The following DHRS12 variants were observed in gnomAD, a reference collection of about 807,000 sequenced individuals.
DHRS12 encodes the protein dehydrogenase/reductase 12, also known as dehydrogenase/reductase SDR family member 12.
DHRS12 carries 29 observed loss-of-function variants against 32.1 expected under a neutral mutation model. The observed-to-expected ratio is 0.90, with a 90% CI of 0.67 to 1.23. DHRS12 has a LOEUF of 1.23. DHRS12 is among the 50% of genes most tolerant of loss of function. The pLI is 0.00. For missense variants in DHRS12, 330 were observed against 337.2 expected (o/e 0.98, Z 0.17); for synonymous variants, 150 against 135.9 (o/e 1.10, Z -0.72).
At chr13:51,765,685 A>G (rs563644788), downstream of DHRS12, 1 of 152,316 alleles carries the variant, frequency 6.6e-6, no homozygotes, top group African/African-American at 2.4e-5. Flanking sequence ...GTCTTCCATC[A>G]TATCAAGTGA....
chr13:51,769,599 T>A (rs553922415), intron 7 of DHRS12, among the ~76,000 whole-genome samples: 1 of 152,068 alleles, frequency 6.6e-6, no homozygotes, highest in African/African-American at 2.4e-5. Flanking sequence ...TCCCTTTCCA[T>A]CCTAAGAGAG....
At chr13:51,758,137 T>C in the DHRS12 span, 27 of 1,412,624 alleles carry the variant, frequency 1.9e-5, no homozygotes, top group Non-Finnish European at 2.6e-5. Flanking sequence ...CCTAGATCTC[T>C]CTCATTCATA....
Position 51,768,071 on chromosome 13 carries a change from A to C in DHRS12, c.*116T>G. 6.8e-7 allele frequency: 1 copy of C among 1,476,278 alleles called. No homozygotes were observed. The highest frequency in any genetic ancestry group is 8.9e-7 in the Non-Finnish European group (1 of 1,117,750). 91.4% of individuals were successfully genotyped at this position (1,476,278 alleles called of 1,614,324 possible). On this transcript the variant is annotated 3_prime_UTR_variant, in exon 9 of 9. Coordinates refer to ENST00000444610, the MANE Select transcript of DHRS12 (RefSeq NM_001377533.1). The stretch of plus-strand genomic sequence containing the variant: ...CCCATCCCTTGTAGGCCTCGCTGTG[A>C]GGCACAACGTCTTCGAGGGGAAGTT...
At chr13:51,784,013 T>A (rs2139161061) in intron 4 of DHRS12, among the ~76,000 whole-genome samples, 1 of 152,354 alleles carries the variant, frequency 6.6e-6, no homozygotes, top group East Asian at 1.9e-4. Context: ...AAGTCTTTTT[T>A]AAATCTTCAC....
At chr13:51,795,761 C>T (rs1593562696) in intron 2 of DHRS12, among the ~76,000 whole-genome samples, 1 of 152,190 alleles carries the variant, frequency 6.6e-6, no homozygotes, top group African/African-American at 2.4e-5. Flanking sequence ...CAATTCCCCC[C>T]TTCCTTTCAC....
intron 8 of DHRS12, 31 bp from the exon 9 acceptor site, chr13:51,768,327 T>C: frequency 6.5e-7 from 1 of 1,535,010 alleles, no homozygotes; most frequent in Non-Finnish European, 8.7e-7. Context: ...CAGAGAGGTG[T>C]GAGCTGCTGC....
At chr13:51,780,862 A>G (rs1433130813) in intron 4 of DHRS12, among the ~76,000 whole-genome samples, 1 of 152,254 alleles carries the variant, frequency 6.6e-6, no homozygotes, top group Non-Finnish European at 1.5e-5. Flanking sequence ...ATTATTTTTA[A>G]TGAGAAAAAT....
At chr13:51,759,109 A>T in the DHRS12 span, among the ~76,000 whole-genome samples, 5 of 152,328 alleles carry the variant, frequency 3.3e-5, no homozygotes, top group South Asian at 4.1e-4. Context: ...TGAGCCCAGT[A>T]AGTCGAGGCT....
At position 51,782,625 on chromosome 13, in the gene DHRS12, T is replaced by C. The variant is rs149359484; in HGVS notation, c.302-5504A>G. On this transcript the variant is annotated intron_variant, in intron 4 of 8. Transcript: ENST00000444610. This position sits in a 1 kb window ranked among gnomAD's most constrained non-coding sequence, Gnocchi z 4.2. ...GACCATGAGAGGCTGGTGGAGGAAG[T>C]GCTGTGCAGGCTTTTCTCCAGGGCC... Among the ~76,000 whole-genome samples the C allele has an allele frequency of 5.7e-3, 867 of 152,190 alleles. 4 individuals carry two copies. Among genetic ancestry groups the C allele is most frequent in the African/African-American group, 0.02 (830 of 41,520 alleles).
At position 51,799,691 on chromosome 13, in the gene DHRS12, A is replaced by T. The variant is rs766589517; in HGVS notation, c.-8-24T>A. ...TCCTAGAAAGAGGAGACCCACAGGA[A>T]GACCAGCTGTAAGGAGTGGGGAACA... is the stretch of plus-strand genomic sequence containing the variant. On this transcript the variant is annotated intron_variant, in intron 1 of 8. Transcript: ENST00000444610. 3 of 1,611,892 alleles carry T rather than the reference A, an allele frequency of 1.9e-6. No individual in the cohort carries two copies. In the South Asian group the frequency reaches 3.3e-5, roughly 18 times the overall value.
chr13:51,766,376 C>T (rs1419286018), downstream of DHRS12: 1 of 152,250 alleles, frequency 6.6e-6, no homozygotes, highest in East Asian at 1.9e-4. Flanking sequence ...GGACTGCAGC[C>T]CAAGTCTGGA....
chr13:51,769,421 T>A, intron 7 of DHRS12, 128 bp from the exon 8 acceptor site: 1 of 818,282 alleles, frequency 1.2e-6, no homozygotes, highest in Non-Finnish European at 1.8e-6. Flanking sequence ...TTCTATTTTA[T>A]AGCACTCACC....
chr13:51,763,875 G>T (rs1255630280), downstream of DHRS12: 3 of 152,306 alleles, frequency 2.0e-5, no homozygotes, highest in Non-Finnish European at 4.4e-5. Flanking sequence ...TAAGCAAAAG[G>T]ATAGCTCTAA....
chr13:51,756,542 C>A, the DHRS12 span: 1 of 1,507,144 alleles, frequency 6.6e-7, no homozygotes, highest in Non-Finnish European at 8.9e-7. Context: ...CCGCAACCAT[C>A]ACTCAGGTTG....
intron 4 of DHRS12, among the ~76,000 whole-genome samples, chr13:51,786,047 A>G (rs1954939588): frequency 6.6e-6 from 1 of 152,218 alleles, no homozygotes; most frequent in Non-Finnish European, 1.5e-5. Flanking sequence ...CCCTGTGTCG[A>G]ACAGCAGCTC....
downstream of DHRS12, chr13:51,763,461 C>G (rs1406957466): frequency 6.6e-6 from 1 of 152,238 alleles, no homozygotes; most frequent in Non-Finnish European, 1.5e-5. Context: ...GCTTACAGCA[C>G]TGCCCTTATG....
chr13:51,791,865 T>C (rs190894830), intron 2 of DHRS12, among the ~76,000 whole-genome samples: 11 of 152,368 alleles, frequency 7.2e-5, no homozygotes, highest in African/African-American at 2.2e-4. Context: ...TTTGTCTTTC[T>C]GTGCCTGGCT....
At chr13:51,774,227 A>G (rs977938244) in intron 5 of DHRS12, 193 bp from the exon 6 acceptor site, 24 of 558,248 alleles carry the variant, frequency 4.3e-5, no homozygotes, top group Non-Finnish European at 6.0e-5. Context: ...CCTACAGTAC[A>G]TGTATTCTCC....
At chr13:51,789,533 C>T (rs1341023652) in intron 4 of DHRS12, 1 of 985,304 alleles carries the variant, frequency 1.0e-6, no homozygotes, top group Non-Finnish European at 1.2e-6. Context: ...GGGAACCCCA[C>T]TTGGAGAGCC....
Sources: gnomAD v4.1 joint callset for allele counts (sites outside exome capture counted in the v4.1 genomes callset) on GRCh38, gnomAD v4.1.1 for gene constraint, Gnocchi (gnomAD v3.1) non-coding constraint, MANE v1.5 for transcripts, NCBI Gene and HGNC (gene_info 2026-07-23, HGNC 2026-07-21) for gene names.